UGGT2: variants seen among roughly 807,000 people sequenced by gnomAD.
UGGT2 encodes UDP-glucose glycoprotein glucosyltransferase 2, also known as UDP-glucose:glycoprotein glucosyltransferase 2.
UGGT2 carries 180 observed loss-of-function variants against 192.1 expected under a neutral mutation model. That is an observed-to-expected ratio of 0.94 (90% CI 0.83 to 1.06). The LOEUF (loss-of-function observed/expected upper bound fraction) is 1.06. Ranked by LOEUF, UGGT2 falls within the 50% of genes least tolerant of loss-of-function variation. UGGT2 has a pLI of 0.00. For synonymous variants in UGGT2, 580 were observed against 591.0 expected (o/e 0.98, Z 0.27); for missense variants, 1,849 against 1,795.7 (o/e 1.03, Z -0.54).
chr13:96,011,404 A>C (rs2052158034), intron 5 of UGGT2, among the ~76,000 whole-genome samples: 1 of 152,098 alleles, frequency 6.6e-6, no homozygotes, highest in African/African-American at 2.4e-5. Context: ...AGTTCACCAA[A>C]AAGAAACTTA....
At chr13:95,877,432 C>A in intron 28 of UGGT2, 68 bp from the exon 29 acceptor site, 1 of 1,230,192 alleles carries the variant, frequency 8.1e-7, no homozygotes, top group South Asian at 1.5e-5. Context: ...CTCATGAATA[C>A]ACGAATGATC....
At chr13:96,023,513 T>C (rs2052575258) in intron 3 of UGGT2, 116 bp downstream of exon 3, 2 of 1,083,750 alleles carry the variant, frequency 1.8e-6, no homozygotes, top group Non-Finnish European at 2.5e-6. Context: ...TGATAGGCTA[T>C]GGAACCAACT....
chr13:96,000,561 T>G (rs2051766928), intron 5 of UGGT2, among the ~76,000 whole-genome samples: 1 of 152,244 alleles, frequency 6.6e-6, no homozygotes, highest in South Asian at 2.1e-4. Flanking sequence ...AGTTTTCAAT[T>G]TCATAACAGC....
chr13:95,863,545 T>TA, intron 31 of UGGT2, 84 bp downstream of exon 31: 1 of 1,119,304 alleles, frequency 8.9e-7, no homozygotes, highest in South Asian at 1.3e-5. Flanking sequence ...TTGCCTTACT[T>TA]AAATTTTCAC....
At chr13:95,943,013 C>T (rs1253813055) in intron 15 of UGGT2, among the ~76,000 whole-genome samples, 2 of 152,012 alleles carry the variant, frequency 1.3e-5, no homozygotes, top group African/African-American at 4.8e-5. Flanking sequence ...GTTGTAAGTC[C>T]ACTCCCATTT....
intron 19 of UGGT2, 58 bp downstream of exon 19, chr13:95,926,970 T>C (rs1424862679): frequency 2.8e-6 from 4 of 1,448,614 alleles, no homozygotes; most frequent in Admixed American, 2.4e-5. Flanking sequence ...AACTGCCTTA[T>C]GAACATTACA....
At chr13:95,816,881 C>G (rs992119958) in intron 38 of UGGT2, among the ~76,000 whole-genome samples, 2 of 152,306 alleles carry the variant, frequency 1.3e-5, no homozygotes, top group Non-Finnish European at 2.9e-5. Context: ...AATCCCAGCA[C>G]TTTGGGAGGC....
intron 38 of UGGT2, among the ~76,000 whole-genome samples, chr13:95,803,024 CG>C (rs1201823829): frequency 6.6e-6 from 1 of 151,416 alleles, no homozygotes; most frequent in Admixed American, 6.6e-5. Context: ...TTAGTAGAGA[CG>C]GGGTTTCACC....
At chr13:95,928,683 C>T (rs867912635) in intron 17 of UGGT2, among the ~76,000 whole-genome samples, 2 of 151,450 alleles carry the variant, frequency 1.3e-5, no homozygotes, top group Non-Finnish European at 2.9e-5. Context: ...GGATGACGGC[C>T]GGGAAGAGGT....
At chr13:95,966,496 A>T (rs2050583595) in intron 12 of UGGT2, among the ~76,000 whole-genome samples, 1 of 152,200 alleles carries the variant, frequency 6.6e-6, no homozygotes, top group Non-Finnish European at 1.5e-5. Context: ...ATAGCAAAGT[A>T]GGGTGACTAT....
chr13:95,907,160 C>A (rs539482951), intron 20 of UGGT2, among the ~76,000 whole-genome samples: 3 of 152,352 alleles, frequency 2.0e-5, no homozygotes, highest in African/African-American at 7.2e-5. Flanking sequence ...TCACTGCTAG[C>A]GCAGCTGTCT....
At chr13:95,892,025 G>A (rs2047816051) in intron 24 of UGGT2, among the ~76,000 whole-genome samples, 1 of 152,094 alleles carries the variant, frequency 6.6e-6, no homozygotes, top group Non-Finnish European at 1.5e-5. Context: ...CAAATCAGAC[G>A]TTCTGCTATT....
chr13:95,869,106 A>G (rs1890978245), intron 29 of UGGT2, among the ~76,000 whole-genome samples: 1 of 146,434 alleles, frequency 6.8e-6, no homozygotes, highest in Non-Finnish European at 1.5e-5. Context: ...TCATTGTTCA[A>G]TTTCCACCTA....
intron 10 of UGGT2, among the ~76,000 whole-genome samples, chr13:95,977,227 T>C (rs2140829786): frequency 6.6e-6 from 1 of 152,320 alleles, no homozygotes; most frequent in Non-Finnish European, 1.5e-5. Flanking sequence ...ACAGAGCTTC[T>C]GCACAGCAAA....
chr13:95,932,476 A>G (rs906590864), intron 17 of UGGT2, among the ~76,000 whole-genome samples: 9 of 152,308 alleles, frequency 5.9e-5, no homozygotes, highest in Non-Finnish European at 8.8e-5. Context: ...TAAGTAATTT[A>G]TCAGTTCTAG....
chr13:95,948,764 A>G (rs1196032164), intron 13 of UGGT2, among the ~76,000 whole-genome samples: 1 of 152,252 alleles, frequency 6.6e-6, no homozygotes, highest in Non-Finnish European at 1.5e-5. Context: ...ATAAAATGAC[A>G]TAAGGGCTAA....
At chr13:95,929,532 T>C (rs2049170279) in intron 17 of UGGT2, among the ~76,000 whole-genome samples, 2 of 152,218 alleles carry the variant, frequency 1.3e-5, no homozygotes, top group South Asian at 2.1e-4. Flanking sequence ...CTCCCACTCA[T>C]AAGAGAGAAC....
rs903037176 is a variant in UGGT2, at chr13:95,858,465, A to G, written c.3825+1126T>C. 4.6e-5 allele frequency among the ~76,000 whole-genome samples: 7 copies of G among 152,140 alleles called. No individual in the cohort carries two copies. The East Asian group carries it at 1.4e-3, about 29-fold the overall frequency. ...AGTCCACACAGCTGACCCTCAATAA[A>G]AACTCTGTACCACAAAGTTTGAATG... On this transcript the variant is annotated intron_variant, in intron 33 of 38. Transcript: ENST00000376747.
rs1404452887 is a variant in UGGT2 at position 96,039,010 on chromosome 13, G to A, written c.159-7039C>T. On this transcript the variant is annotated intron_variant, in intron 1 of 38. Coordinates refer to ENST00000376747, the MANE Select transcript of UGGT2 (RefSeq NM_020121.4). ...AAATGCAATGGAGAGACAGGCATAG[G>A]ATGGACACTCTAATTCCCAAAGGAA... Among the ~76,000 whole-genome samples, 23 of 152,132 alleles carry A rather than the reference G, an allele frequency of 1.5e-4. 1 individual carries two copies. The highest frequency in any genetic ancestry group is 1.5e-3 in the Admixed American group (23 of 15,272).
Sources: allele counts gnomAD v4.1 joint callset (sites outside exome capture counted in the v4.1 genomes callset), GRCh38; gene constraint gnomAD v4.1.1; transcripts MANE v1.5; gene names NCBI Gene and HGNC (gene_info 2026-07-23, HGNC 2026-07-21).